RASSF3: variants seen among roughly 807,000 people sequenced by gnomAD.
RASSF3 encodes the protein Ras association domain family member 3.
RASSF3 carries 19 observed loss-of-function variants against 19.9 expected under a neutral mutation model. The observed-to-expected ratio is 0.96, with a 90% CI of 0.67 to 1.40. RASSF3 has a LOEUF of 1.40. RASSF3 is among the 40% of genes most tolerant of loss of function. The probability of loss-of-function intolerance (pLI) is 0.00; values close to 1 mark genes in which losing one functional copy is unlikely to be tolerated. For synonymous variants in RASSF3, 110 were observed against 104.2 expected, an observed-to-expected ratio of 1.06 and a Z score of -0.34; for missense variants, 306 against 289.8, an observed-to-expected ratio of 1.06 and a Z score of -0.41.
chr12:64,529,584 G>C (rs1021793967), upstream of RASSF3, among the ~76,000 whole-genome samples: 1 of 152,126 alleles, frequency 6.6e-6, no homozygotes, highest in Non-Finnish European at 1.5e-5. Flanking sequence ...CCGTCAAGAG[G>C]AAAGGAGAGC....
rs1336239343 is a variant in RASSF3 at position 64,695,332 on chromosome 12, G to T, written c.*420G>T. The T allele has an allele frequency of 1.9e-5, 3 of 154,948 alleles. No homozygotes were observed. The highest frequency in any genetic ancestry group is 4.1e-4 in the South Asian group (2 of 4,876). The allele number at this position is 154,948 out of a possible 1,614,324, so 9.6% of individuals were successfully genotyped here. A position where few individuals can be genotyped will look rare whatever the true frequency, so the allele number is the denominator to read the frequency against. On this transcript the variant is annotated 3_prime_UTR_variant, in exon 5 of 5. Transcript: ENST00000542104. The stretch of plus-strand genomic sequence containing the variant: ...GTCCTATTTTGAAACTACCTGTCTG[G>T]TTTTTTGTTTGGTTTTGTTTTCTTT...
intron 1 of RASSF3, among the ~76,000 whole-genome samples, chr12:64,524,489 T>C (rs548437303): frequency 6.4e-4 from 98 of 152,196 alleles, no homozygotes; most frequent in African/African-American, 2.2e-3. Flanking sequence ...AGTCACACTG[T>C]TTTGTGGCTC....
chr12:64,554,462 G>A (rs1370530118), intron 2 of RASSF3, among the ~76,000 whole-genome samples: 1 of 152,112 alleles, frequency 6.6e-6, no homozygotes, highest in Admixed American at 6.6e-5. Flanking sequence ...GCACCACCAC[G>A]CCTGGCTAAT....
intron 1 of RASSF3, among the ~76,000 whole-genome samples, chr12:64,672,771 C>T (rs1565867420): frequency 6.6e-6 from 1 of 152,208 alleles, no homozygotes; most frequent in Non-Finnish European, 1.5e-5. Flanking sequence ...CCTCCCTCCG[C>T]CTTCCAAAGT....
At chr12:64,524,740 G>A (rs1343994535) in intron 1 of RASSF3, among the ~76,000 whole-genome samples, 5 of 152,148 alleles carry the variant, frequency 3.3e-5, no homozygotes, top group Admixed American at 3.3e-4. Flanking sequence ...ATCCTCTGCA[G>A]CAACTGCATT....
intron 1 of RASSF3, among the ~76,000 whole-genome samples, chr12:64,537,227 TA>T (rs1868847204): frequency 6.6e-6 from 1 of 152,156 alleles, no homozygotes; most frequent in Non-Finnish European, 1.5e-5. Flanking sequence ...TAGTTCTTAC[TA>T]AAATAGAAAT....
intron 1 of RASSF3, among the ~76,000 whole-genome samples, chr12:64,669,093 T>C (rs145138121): frequency 1.3e-4 from 20 of 152,276 alleles, no homozygotes; most frequent in African/African-American, 4.6e-4. Flanking sequence ...GATTTTGAAG[T>C]AGGGCGTTGA....
At chr12:64,560,747 T>A (rs527953561) in intron 2 of RASSF3, among the ~76,000 whole-genome samples, 1 of 152,096 alleles carries the variant, frequency 6.6e-6, no homozygotes, top group Non-Finnish European at 1.5e-5. Flanking sequence ...TAAGATGGGA[T>A]TGGATGTGCA....
At chr12:64,652,373 AC>A (rs1301325766) in intron 1 of RASSF3, among the ~76,000 whole-genome samples, 4 of 151,718 alleles carry the variant, frequency 2.6e-5, no homozygotes, top group African/African-American at 9.7e-5. Context: ...TTTTTTAAAC[AC>A]GTCTGAGGAC....
intron 1 of RASSF3, among the ~76,000 whole-genome samples, chr12:64,645,643 T>TA (rs1252463664): frequency 3.2e-4 from 48 of 152,234 alleles, no homozygotes; most frequent in African/African-American, 1.2e-3. Flanking sequence ...TTCCCATCCT[T>TA]ACCAAAAAAA....
chr12:64,586,218 A>G (rs7969980), intron 2 of RASSF3, among the ~76,000 whole-genome samples: 81,235 of 151,298 alleles, frequency 0.54, 22,212 homozygotes, highest in Non-Finnish European at 0.56. Context: ...CAGCTACTTG[A>G]GAGGCTGAGG....
At chr12:64,573,176 G>A (rs1869546868) in intron 2 of RASSF3, among the ~76,000 whole-genome samples, 2 of 152,064 alleles carry the variant, frequency 1.3e-5, no homozygotes, top group Non-Finnish European at 2.9e-5. Flanking sequence ...CAGTTGCTGG[G>A]CATGGTGTCA....
chr12:64,544,164 C>T (rs1015326626), downstream of RASSF3, among the ~76,000 whole-genome samples: 21 of 152,032 alleles, frequency 1.4e-4, no homozygotes, highest in African/African-American at 5.1e-4. Context: ...CGTTTATGAG[C>T]TGTAACGCCC....
chr12:64,676,165 A>ATT (rs1453281653), intron 1 of RASSF3, among the ~76,000 whole-genome samples: 3 of 123,096 alleles, frequency 2.4e-5, no homozygotes, highest in East Asian at 4.9e-4. Context: ...TCAGGAGTAG[A>ATT]ATTTTTTTTT....
At chr12:64,670,561 T>TTG (rs1872669640) in intron 1 of RASSF3, among the ~76,000 whole-genome samples, 1 of 135,382 alleles carries the variant, frequency 7.4e-6, no homozygotes, top group Non-Finnish European at 1.6e-5. Flanking sequence ...TTTTTTTTTT[T>TTG]GTGGGGGGGA....
upstream of RASSF3, among the ~76,000 whole-genome samples, chr12:64,529,160 G>A (rs1290781647): frequency 6.6e-6 from 1 of 152,148 alleles, no homozygotes; most frequent in African/African-American, 2.4e-5. Flanking sequence ...TTGTTAAACA[G>A]AATACTTAGA....
chr12:64,594,292 C>G (rs943982383), intron 2 of RASSF3, among the ~76,000 whole-genome samples: 1 of 152,062 alleles, frequency 6.6e-6, no homozygotes, highest in Non-Finnish European at 1.5e-5. Flanking sequence ...TATGATTGCA[C>G]CCCTGCACTC....
chr12:64,633,229 T>C (rs1871222229), intron 1 of RASSF3, among the ~76,000 whole-genome samples: 2 of 152,242 alleles, frequency 1.3e-5, no homozygotes, highest in South Asian at 4.1e-4. Flanking sequence ...TTAATTATTC[T>C]CTGGTTTTGA....
At chr12:64,635,711 G>C (rs1871307874) in intron 1 of RASSF3, among the ~76,000 whole-genome samples, 1 of 152,166 alleles carries the variant, frequency 6.6e-6, no homozygotes, top group African/African-American at 2.4e-5. Flanking sequence ...GTAAGAAGAG[G>C]GGAAGCTGCA....
Sources: allele counts gnomAD v4.1 joint callset (sites outside exome capture counted in the v4.1 genomes callset), GRCh38; gene constraint gnomAD v4.1.1; transcripts MANE v1.5; gene names NCBI Gene and HGNC (gene_info 2026-07-23, HGNC 2026-07-21).